The following TCF7L1 variants were observed in gnomAD, a reference collection of about 807,000 sequenced individuals.
TCF7L1 encodes the protein transcription factor 7-like 1.
A neutral mutation model predicts 63.7 loss-of-function variants in TCF7L1; 18 were observed. That is an observed-to-expected ratio of 0.28 (90% CI 0.20 to 0.42). The LOEUF (loss-of-function observed/expected upper bound fraction) is 0.42. TCF7L1 is among the 10% of genes least tolerant of loss of function. TCF7L1 has a pLI of 1.00. For synonymous variants in TCF7L1, 355 were observed against 340.9 expected (o/e 1.04, Z -0.46); for missense variants, 654 against 779.3 (o/e 0.84, Z 1.91).
chr2:85,276,017 C>T (rs977708278), intron 3 of TCF7L1, among the ~76,000 whole-genome samples: 5 of 151,460 alleles, frequency 3.3e-5, no homozygotes, highest in African/African-American at 1.2e-4. Flanking sequence ...CAAAGTTAAG[C>T]AAAGGCATAA....
At chr2:85,301,000 G>A (rs994104638) in intron 4 of TCF7L1, among the ~76,000 whole-genome samples, 8 of 152,020 alleles carry the variant, frequency 5.3e-5, no homozygotes, top group African/African-American at 1.9e-4. Flanking sequence ...GGCTAGTCTC[G>A]AACTCCTGAC....
chr2:85,173,421 C>CA (rs1678599935), intron 3 of TCF7L1, among the ~76,000 whole-genome samples: 1 of 152,004 alleles, frequency 6.6e-6, no homozygotes. Context: ...GAAACAGCAC[C>CA]ATGGGGGGAT....
intron 3 of TCF7L1, among the ~76,000 whole-genome samples, chr2:85,283,290 C>T (rs1681466656): frequency 7.1e-6 from 1 of 141,404 alleles, no homozygotes; most frequent in African/African-American, 3.0e-5. Flanking sequence ...TGACATAGGG[C>T]GTGGTGAGGC....
At chr2:85,139,202 T>C (rs1326102098) in intron 3 of TCF7L1, among the ~76,000 whole-genome samples, 1 of 152,060 alleles carries the variant, frequency 6.6e-6, no homozygotes, top group Non-Finnish European at 1.5e-5. Context: ...AGAGACAGGG[T>C]TTCACCATGT....
intron 4 of TCF7L1, among the ~76,000 whole-genome samples, chr2:85,288,649 C>A (rs1012924549): frequency 6.6e-6 from 1 of 152,174 alleles, no homozygotes; most frequent in African/African-American, 2.4e-5. Flanking sequence ...GGAAGTATGT[C>A]TAAGCAAGTC....
At chr2:85,194,831 C>G (rs956038902) in intron 3 of TCF7L1, among the ~76,000 whole-genome samples, 1 of 152,206 alleles carries the variant, frequency 6.6e-6, no homozygotes. Flanking sequence ...TGTGGAGTCT[C>G]TGTTGCAAGC....
chr2:85,290,706 C>CGAGT (rs980097194), intron 4 of TCF7L1, among the ~76,000 whole-genome samples: 2 of 152,072 alleles, frequency 1.3e-5, no homozygotes, highest in African/African-American at 4.8e-5. Context: ...GTATATATAG[C>CGAGT]GAGTGAGTGA....
intron 3 of TCF7L1, among the ~76,000 whole-genome samples, chr2:85,259,393 G>C (rs1243602729): frequency 6.6e-6 from 1 of 152,226 alleles, no homozygotes; most frequent in East Asian, 1.9e-4. Flanking sequence ...CGTATCTGTA[G>C]GAAATCTTAG....
chr2:85,255,447 T>C (rs1483721520), intron 3 of TCF7L1, among the ~76,000 whole-genome samples: 1 of 152,192 alleles, frequency 6.6e-6, no homozygotes, highest in African/African-American at 2.4e-5. Context: ...GGCTTTGATG[T>C]ATGGAATCAT....
At chr2:85,212,134 G>C (rs1679567131) in intron 3 of TCF7L1, among the ~76,000 whole-genome samples, 1 of 145,918 alleles carries the variant, frequency 6.9e-6, no homozygotes, top group African/African-American at 2.5e-5. Flanking sequence ...CTTCTAGCCT[G>C]TCTCAAAAAA....
At chr2:85,305,897 T>C (rs971788925) in intron 8 of TCF7L1, among the ~76,000 whole-genome samples, 22 of 152,088 alleles carry the variant, frequency 1.4e-4, no homozygotes, top group Admixed American at 7.2e-4. Context: ...CCACACTGTG[T>C]CCTGTCACCG....
In TCF7L1 at chr2:85,310,216, G is replaced by A. The variant is rs994780277; in HGVS notation, c.*754G>A. 2 of 152,558 alleles carry A rather than the reference G, an allele frequency of 1.3e-5. No individual in the cohort carries two copies. Among genetic ancestry groups the A allele is most frequent in the African/African-American group, 4.8e-5 (2 of 41,438 alleles). The allele number at this position is 152,558 out of a possible 1,614,324, so 9.5% of individuals were successfully genotyped here. On this transcript the variant is annotated 3_prime_UTR_variant, in exon 12 of 12. Coordinates refer to ENST00000282111, the MANE Select transcript of TCF7L1 (RefSeq NM_031283.3). ...CCCCATGGTCTGGCTCCTGTCACCTGGGTCCGTGCCAGCACAATCTGCCAA... is the reference window on the plus strand; with the variant it reads ...CCCCATGGTCTGGCTCCTGTCACCTAGGTCCGTGCCAGCACAATCTGCCAA...
intron 3 of TCF7L1, among the ~76,000 whole-genome samples, chr2:85,181,528 G>C (rs531407513): frequency 1.3e-5 from 2 of 152,272 alleles, no homozygotes; most frequent in African/African-American, 4.8e-5. Flanking sequence ...GAGAGGGAGA[G>C]GGTTCAGCAC....
At chr2:85,250,442 A>ATT (rs57121264) in intron 3 of TCF7L1, among the ~76,000 whole-genome samples, 34 of 149,048 alleles carry the variant, frequency 2.3e-4, no homozygotes, top group East Asian at 1.4e-3. Context: ...AAAAGTGAGA[A>ATT]TTTTTTTTTT....
chr2:85,147,791 C>T (rs573184949), intron 3 of TCF7L1, among the ~76,000 whole-genome samples: 6 of 152,244 alleles, frequency 3.9e-5, no homozygotes, highest in African/African-American at 1.4e-4. Context: ...GCTCATACTC[C>T]TGACCAGCCC....
intron 4 of TCF7L1, 32 bp downstream of exon 4, chr2:85,283,610 G>T (rs1256706336): frequency 3.1e-6 from 5 of 1,611,322 alleles, no homozygotes; most frequent in Non-Finnish European, 4.2e-6. Context: ...GCACCAAAGG[G>T]CCACTATTAG....
At chr2:85,203,590 G>A (rs559206390) in intron 3 of TCF7L1, among the ~76,000 whole-genome samples, 8 of 152,158 alleles carry the variant, frequency 5.3e-5, no homozygotes, top group South Asian at 4.2e-4. Context: ...TTAGCCAGGC[G>A]TGGTGGTGTG....
intron 3 of TCF7L1, among the ~76,000 whole-genome samples, chr2:85,262,690 A>G (rs1680885542): frequency 6.6e-6 from 1 of 152,166 alleles, no homozygotes; most frequent in African/African-American, 2.4e-5. Context: ...ATACCCAGGA[A>G]CTCACAGGGT....
At chr2:85,302,412 T>C (rs1682003010) in intron 4 of TCF7L1, 72 bp from the exon 5 acceptor site, 1 of 1,605,996 alleles carries the variant, frequency 6.2e-7, no homozygotes, top group African/African-American at 1.3e-5. Flanking sequence ...ACTTACTTGA[T>C]TCCATAAATA....
Sources: gnomAD v4.1 joint callset for allele counts (sites outside exome capture counted in the v4.1 genomes callset) on GRCh38, gnomAD v4.1.1 for gene constraint, MANE v1.5 for transcripts, NCBI Gene and HGNC (gene_info 2026-07-23, HGNC 2026-07-21) for gene names.